The following ALPK2 variants were observed in gnomAD, a reference collection of about 807,000 sequenced individuals.
The protein encoded by ALPK2 is alpha kinase 2, also known as alpha-protein kinase 2.
ALPK2 carries 127 observed loss-of-function variants against 163.1 expected under a neutral mutation model. That is an observed-to-expected ratio of 0.78 (90% CI 0.67 to 0.90). The LOEUF (loss-of-function observed/expected upper bound fraction) is 0.90. Among genes scored for constraint, ALPK2 ranks in the 40% least tolerant of loss-of-function variants. The probability of loss-of-function intolerance (pLI) is 0.00; values close to 1 mark genes in which losing one functional copy is unlikely to be tolerated. For synonymous variants in ALPK2, 953 were observed against 959.1 expected (o/e 0.99, Z 0.12); for missense variants, 2,360 against 2,589.6 (o/e 0.91, Z 1.92).
intron 1 of ALPK2, among the ~76,000 whole-genome samples, chr18:58,619,016 C>T (rs567608710): frequency 2.9e-4 from 44 of 152,338 alleles, no homozygotes; most frequent in African/African-American, 9.1e-4. Context: ...AATCCAATGG[C>T]AATTGTCTTC....
intron 4 of ALPK2, among the ~76,000 whole-genome samples, chr18:58,564,123 CTTT>C (rs10689097): frequency 3.9e-5 from 4 of 102,490 alleles, no homozygotes; most frequent in Non-Finnish European, 7.2e-5. Context: ...TGTCTTTGTT[CTTT>C]TTTTTTTTTT....
intron 12 of ALPK2, among the ~76,000 whole-genome samples, chr18:58,496,490 G>A (rs1489036785): frequency 6.6e-6 from 1 of 152,138 alleles, no homozygotes; most frequent in African/African-American, 2.4e-5. Context: ...TTGTGCAATC[G>A]GCGAGAACTT....
intron 4 of ALPK2, among the ~76,000 whole-genome samples, chr18:58,558,619 G>T (rs975557215): frequency 2.0e-5 from 3 of 152,052 alleles, no homozygotes; most frequent in African/African-American, 7.2e-5. Flanking sequence ...AAATGATCTC[G>T]CACATAAATG....
chr18:58,509,713 C>A (rs1452537043), intron 10 of ALPK2, among the ~76,000 whole-genome samples: 2 of 151,958 alleles, frequency 1.3e-5, no homozygotes, highest in Non-Finnish European at 2.9e-5. Context: ...TATCCTTCAC[C>A]CACTTGTTGA....
Position 58,580,238 on chromosome 18 carries a change from G to A in ALPK2, c.538C>T (p.Leu180Phe), listed in dbSNP as rs1295198679. The A allele has an allele frequency of 6.2e-7, 1 of 1,614,210 alleles. No homozygotes were observed. The highest frequency in any genetic ancestry group is 1.1e-5 in the South Asian group (1 of 91,084). The change falls in exon 4 of 13, where the codon CTT (leucine) becomes TTT (phenylalanine). Residue 180 changes from leucine to phenylalanine, a missense_variant. By Grantham distance (22) the Leu-to-Phe change is conservative (BLOSUM62 0). Transcript: ENST00000361673. ...TCAGAACTGGACACACTAATGTCAA[G>A]ATTGCCCAATGACTGGAGGGAGAGT... is the stretch of plus-strand genomic sequence containing the variant. ...HSLSLQSLGN[L>F]DISVSSSENP...
At chr18:58,625,398 G>A (rs770892684) in intron 1 of ALPK2, among the ~76,000 whole-genome samples, 9 of 152,208 alleles carry the variant, frequency 5.9e-5, no homozygotes, top group African/African-American at 9.6e-5. Flanking sequence ...AAAAGAATAA[G>A]CACAAATAGG....
chr18:58,611,023 G>A (rs2052126955), intron 2 of ALPK2, among the ~76,000 whole-genome samples: 1 of 151,608 alleles, frequency 6.6e-6, no homozygotes, highest in African/African-American at 2.4e-5. Context: ...GAAACCAAGA[G>A]GCGGAGGTTG....
At chr18:58,575,248 C>T (rs2051913670) in intron 4 of ALPK2, among the ~76,000 whole-genome samples, 2 of 151,942 alleles carry the variant, frequency 1.3e-5, no homozygotes, top group South Asian at 4.2e-4. Flanking sequence ...TCACACCTAA[C>T]TATACTTGGC....
In ALPK2 at chr18:58,535,873, G is replaced by C. The variant is rs543350348; in HGVS notation, c.4314C>G (p.Asp1438Glu). 6.2e-7 allele frequency: 1 copy of C among 1,614,064 alleles called. No homozygotes were observed. The highest frequency in any genetic ancestry group is 8.5e-7 in the Non-Finnish European group (1 of 1,180,030). The change falls in exon 5 of 13, where the codon GAC becomes GAG. Residue 1438 changes from aspartate (D) to glutamate (E), a missense_variant. Physicochemically the swap from Asp to Glu is conservative, Grantham distance 45. Coordinates refer to ENST00000361673, the MANE Select transcript of ALPK2 (RefSeq NM_052947.4). The stretch of plus-strand genomic sequence containing the variant: ...TTTCCGCTTCGTGGCCCATGTTTCC[G>C]TCATTTGATTGACCCCCTTCTCTGG... ...QGAREGGQSN[D>E]GNMGHEAEIQ... is the part of the protein sequence containing the mutation.
chr18:58,580,309 C>G lies in ALPK2; in HGVS notation c.467G>C (p.Gly156Ala). Residue 156 changes from glycine to alanine, a missense_variant, in exon 4 of 13, where the codon GGC becomes GCC. Coordinates refer to ENST00000361673, the MANE Select transcript of ALPK2 (RefSeq NM_052947.4). Reference sequence around the variant, plus strand: ...GGAGGAGTCAGCTGACCTGGGAGTGCCCGGGGAGATGCTTTCTTCTTCCTT... The same window carrying G: ...GGAGGAGTCAGCTGACCTGGGAGTGGCCGGGGAGATGCTTTCTTCTTCCTT... ...PYKEEESISP[G>A]TPRSADSSPS... is the part of the protein sequence containing the mutation. The G allele has an allele frequency of 6.2e-7, 1 of 1,614,064 alleles. No homozygotes were observed. Among genetic ancestry groups the G allele is most frequent in the Non-Finnish European group, 8.5e-7 (1 of 1,180,008 alleles).
intron 1 of ALPK2, among the ~76,000 whole-genome samples, chr18:58,621,331 G>A (rs8092371): frequency 0.012 from 1,795 of 150,990 alleles, 25 homozygotes; most frequent in African/African-American, 0.04. Flanking sequence ...CTGGAGTGCA[G>A]TGGCACTATC....
In ALPK2 at chr18:58,536,659, G is replaced by T. The variant is rs3809978; in HGVS notation, c.3528C>A (p.Pro1176=). The T allele has an allele frequency of 0.76, 1,228,574 of 1,613,316 alleles. 471,523 individuals carry two copies. Among genetic ancestry groups the T allele is most frequent in the East Asian group, 0.81 (36,208 of 44,832 alleles). The change falls in exon 5 of 13, where the codon CCC becomes CCA. Residue 1176 remains proline (P), a synonymous_variant. Transcript: ENST00000361673. The stretch of plus-strand genomic sequence containing the variant: ...GCCCTGCTCCTTCCCTAGAGCTTGC[G>T]GGTGAGTGGGCCGTGGGCACCAAGT... ...ERNLVPTAHS[P]ASSREGAGQR... is the part of the protein sequence containing the mutation.
At chr18:58,559,693 G>T (rs900154240) in intron 4 of ALPK2, among the ~76,000 whole-genome samples, 19 of 152,146 alleles carry the variant, frequency 1.2e-4, no homozygotes, top group African/African-American at 4.1e-4. Context: ...CACAAAGCTG[G>T]CTTCATGCCA....
At chr18:58,600,866 G>C (rs2052065894) in intron 3 of ALPK2, among the ~76,000 whole-genome samples, 1 of 152,180 alleles carries the variant, frequency 6.6e-6, no homozygotes, top group Non-Finnish European at 1.5e-5. Flanking sequence ...GATCCCACTG[G>C]ACTGTGAGTG....
At chr18:58,561,629 C>T (rs185562457) in intron 4 of ALPK2, among the ~76,000 whole-genome samples, 7 of 152,308 alleles carry the variant, frequency 4.6e-5, no homozygotes, top group African/African-American at 1.7e-4. Context: ...CTGTGGACAA[C>T]AGGGGCCTGA....
intron 11 of ALPK2, among the ~76,000 whole-genome samples, chr18:58,498,846 G>A (rs2051415936): frequency 6.6e-6 from 1 of 152,202 alleles, no homozygotes; most frequent in African/African-American, 2.4e-5. Flanking sequence ...ATGGGACTAT[G>A]AGTCCATTAG....
intron 3 of ALPK2, among the ~76,000 whole-genome samples, chr18:58,584,599 A>G (rs750584031): frequency 1.3e-5 from 2 of 152,256 alleles, no homozygotes. Flanking sequence ...TTGATCAGCC[A>G]AATGGCAGAC....
intron 10 of ALPK2, among the ~76,000 whole-genome samples, chr18:58,505,232 A>G (rs1238697370): frequency 6.6e-6 from 1 of 151,954 alleles, no homozygotes; most frequent in Non-Finnish European, 1.5e-5. Context: ...CAGATATGGG[A>G]TGGAGTTTCC....
At chr18:58,552,641 G>A (rs1476874005) in intron 4 of ALPK2, among the ~76,000 whole-genome samples, 1 of 152,184 alleles carries the variant, frequency 6.6e-6, no homozygotes, top group Non-Finnish European at 1.5e-5. Context: ...TAGCTTCTAA[G>A]GAAAACATCG....
Sources: allele counts gnomAD v4.1 joint callset (sites outside exome capture counted in the v4.1 genomes callset), GRCh38; gene constraint gnomAD v4.1.1; transcripts MANE v1.5; gene names NCBI Gene and HGNC (gene_info 2026-07-23, HGNC 2026-07-21).